Variants in DOCK9 observed in about 807,000 individuals in gnomAD.
DOCK9 encodes dedicator of cytokinesis protein 9.
A neutral mutation model predicts 263.3 loss-of-function variants in DOCK9; 89 were observed. The ratio of observed to expected loss-of-function variants is 0.34; its 90% CI spans 0.28 to 0.40. DOCK9 has a LOEUF of 0.40. DOCK9 is among the 10% of genes least tolerant of loss of function. DOCK9 has a pLI of 1.00. For missense variants in DOCK9, 2,140 were observed against 2,603.4 expected (o/e 0.82, Z 3.87); for synonymous variants, 976 against 973.1 (o/e 1.00, Z -0.06).
intron 9 of DOCK9, among the ~76,000 whole-genome samples, chr13:98,905,585 A>G (rs1473788053): frequency 1.3e-5 from 2 of 152,112 alleles, no homozygotes; most frequent in African/African-American, 4.8e-5. Context: ...AAGGCAGGGC[A>G]TGATTAAAAA....
chr13:99,003,397 G>T (rs1882746243), intron 1 of DOCK9, among the ~76,000 whole-genome samples: 1 of 152,096 alleles, frequency 6.6e-6, no homozygotes, highest in Non-Finnish European at 1.5e-5. Context: ...TTTGCCTTCT[G>T]AATACGCTCA....
intron 1 of DOCK9, among the ~76,000 whole-genome samples, chr13:99,028,671 A>C (rs1287292600): frequency 6.6e-6 from 1 of 152,188 alleles, no homozygotes. Context: ...TTCAAGCAGA[A>C]CTTTAATTAA....
intron 23 of DOCK9, among the ~76,000 whole-genome samples, 196 bp downstream of exon 23, chr13:98,882,846 T>C (rs1461207289): frequency 6.6e-6 from 1 of 152,214 alleles, no homozygotes; most frequent in East Asian, 1.9e-4. Flanking sequence ...AAAGGATACA[T>C]GGGACTAGGA....
intron 37 of DOCK9, chr13:98,847,716 G>C (rs1273829024): frequency 6.6e-6 from 1 of 152,074 alleles, no homozygotes; most frequent in African/African-American, 2.4e-5. Context: ...AAACCTCAAT[G>C]ACAATTACAT....
intron 1 of DOCK9, among the ~76,000 whole-genome samples, chr13:99,047,439 C>T (rs1432050485): frequency 6.6e-6 from 1 of 151,412 alleles, no homozygotes; most frequent in Non-Finnish European, 1.5e-5. Flanking sequence ...TCTTCTTAGT[C>T]TCATTTATTT....
intron 50 of DOCK9, among the ~76,000 whole-genome samples, chr13:98,799,829 A>G (rs2089899957): frequency 6.6e-6 from 1 of 152,202 alleles, no homozygotes; most frequent in African/African-American, 2.4e-5. Flanking sequence ...ATAAAGAAAA[A>G]TTGATTGATT....
intron 1 of DOCK9, among the ~76,000 whole-genome samples, chr13:98,985,019 A>G (rs1322146204): frequency 2.1e-5 from 3 of 145,808 alleles, no homozygotes; most frequent in African/African-American, 7.5e-5. Flanking sequence ...CCAGCAGACA[A>G]CAAGAACATA....
At chr13:98,896,936 T>A (rs1397325926) in intron 15 of DOCK9, among the ~76,000 whole-genome samples, 2 of 152,178 alleles carry the variant, frequency 1.3e-5, no homozygotes, top group Non-Finnish European at 2.9e-5. Context: ...TGATGCTTTA[T>A]CACTAGTGTT....
intron 1 of DOCK9, among the ~76,000 whole-genome samples, chr13:99,061,941 A>T (rs1416722028): frequency 6.6e-6 from 1 of 151,742 alleles, no homozygotes; most frequent in African/African-American, 2.4e-5. Context: ...GCGCCATCAC[A>T]GCTCACCGCA....
intron 1 of DOCK9, among the ~76,000 whole-genome samples, chr13:98,989,070 C>G (rs1471468903): frequency 1.3e-5 from 2 of 152,168 alleles, no homozygotes; most frequent in African/African-American, 4.8e-5. Context: ...AGCCTCACCT[C>G]ATGTCTCCAG....
At chr13:99,005,283 A>G (rs182018537) in intron 1 of DOCK9, among the ~76,000 whole-genome samples, 107 of 152,328 alleles carry the variant, frequency 7.0e-4, no homozygotes, top group Admixed American at 5.9e-4. Context: ...CTTAACCAAT[A>G]TGTCTCATAA....
chr13:98,871,097 T>C (rs2094174171), intron 27 of DOCK9, among the ~76,000 whole-genome samples: 1 of 152,206 alleles, frequency 6.6e-6, no homozygotes, highest in Non-Finnish European at 1.5e-5. Context: ...TAAAGACGTT[T>C]TGCTAATTTT....
intron 45 of DOCK9, among the ~76,000 whole-genome samples, chr13:98,814,658 G>A (rs1349086591): frequency 6.6e-6 from 1 of 152,048 alleles, no homozygotes; most frequent in South Asian, 2.1e-4. Flanking sequence ...CACCCATCTC[G>A]GCCTCCCTAA....
intron 27 of DOCK9, among the ~76,000 whole-genome samples, chr13:98,868,746 C>T (rs903183734): frequency 3.9e-5 from 6 of 152,060 alleles, no homozygotes; most frequent in Admixed American, 3.3e-4. Flanking sequence ...AAAGCAAGGC[C>T]CAGTCTCAAA....
chr13:98,973,755 G>A (rs982821692), intron 1 of DOCK9, among the ~76,000 whole-genome samples: 10 of 152,062 alleles, frequency 6.6e-5, no homozygotes, highest in Admixed American at 2.0e-4. Context: ...ATGCCACCTC[G>A]TCTGGCTAAT....
intron 2 of DOCK9, among the ~76,000 whole-genome samples, chr13:98,932,819 T>C (rs2054179871): frequency 6.6e-6 from 1 of 152,230 alleles, no homozygotes; most frequent in Admixed American, 6.5e-5. Context: ...TTCACCAAAG[T>C]CCTTGGCAGG....
intron 7 of DOCK9, among the ~76,000 whole-genome samples, chr13:98,917,374 A>G (rs2051054000): frequency 6.6e-6 from 1 of 152,236 alleles, no homozygotes; most frequent in Non-Finnish European, 1.5e-5. Context: ...GAATACAAAT[A>G]AAACTCCTAC....
intron 27 of DOCK9, among the ~76,000 whole-genome samples, chr13:98,877,296 A>G (rs146471036): frequency 1.3e-3 from 199 of 152,322 alleles, no homozygotes; most frequent in African/African-American, 4.6e-3. Context: ...CCACCCTTAA[A>G]GTGCTATGGT....
intron 1 of DOCK9, among the ~76,000 whole-genome samples, chr13:99,057,054 G>C (rs894833007): frequency 6.6e-6 from 1 of 152,158 alleles, no homozygotes; most frequent in African/African-American, 2.4e-5. Context: ...AGCAAAGAAA[G>C]TCAATCTCCA....
Sources: allele counts gnomAD v4.1 joint callset (sites outside exome capture counted in the v4.1 genomes callset), GRCh38; gene constraint gnomAD v4.1.1; transcripts MANE v1.5; gene names NCBI Gene and HGNC (gene_info 2026-07-23, HGNC 2026-07-21).